Variants in NCALD observed in about 807,000 individuals in gnomAD.
The protein encoded by NCALD is neurocalcin delta, also known as neurocalcin-delta.
In NCALD, 10 loss-of-function variants were observed where a neutral mutation model predicts 18.6. The ratio of observed to expected loss-of-function variants is 0.54; its 90% CI spans 0.33 to 0.91. The LOEUF is 0.91. NCALD is among the 40% of genes least tolerant of loss of function. NCALD has a pLI of 0.03. For missense variants in NCALD, 184 were observed against 247.6 expected, an observed-to-expected ratio of 0.74 and a Z score of 1.72; for synonymous variants, 88 against 87.4, an observed-to-expected ratio of 1.01 and a Z score of -0.04.
intron 2 of NCALD, among the ~76,000 whole-genome samples, chr8:101,944,458 G>A (rs1819089929): frequency 6.6e-6 from 1 of 152,198 alleles, no homozygotes; most frequent in Non-Finnish European, 1.5e-5. Flanking sequence ...GTGCCTGCTC[G>A]ACTGGAGTAT....
intron 2 of NCALD, among the ~76,000 whole-genome samples, chr8:101,916,905 A>C (rs1232995265): frequency 6.6e-6 from 1 of 152,142 alleles, no homozygotes; most frequent in Non-Finnish European, 1.5e-5. Flanking sequence ...ACACAATAAT[A>C]GAAGGGAACT....
At chr8:101,866,235 T>C (rs1295358261) in intron 4 of NCALD, among the ~76,000 whole-genome samples, 1 of 152,216 alleles carries the variant, frequency 6.6e-6, no homozygotes, top group Non-Finnish European at 1.5e-5. Flanking sequence ...TTCTTCTTCC[T>C]ACCTTCCCAA....
intron 4 of NCALD, among the ~76,000 whole-genome samples, chr8:101,832,737 C>G (rs1814239867): frequency 6.6e-6 from 1 of 152,138 alleles, no homozygotes; most frequent in Non-Finnish European, 1.5e-5. Flanking sequence ...AGTGAAAATG[C>G]CAACATAAAT....
At chr8:101,834,689 C>T (rs944687074) in intron 4 of NCALD, among the ~76,000 whole-genome samples, 5 of 152,202 alleles carry the variant, frequency 3.3e-5, no homozygotes, top group African/African-American at 4.8e-5. Flanking sequence ...GGGTCTTTGA[C>T]GAGTGAGGCA....
chr8:101,714,990 C>T (rs1390050638), intron 2 of NCALD, among the ~76,000 whole-genome samples: 3 of 133,792 alleles, frequency 2.2e-5, no homozygotes, highest in Admixed American at 7.3e-5. Context: ...GGCGACAGAG[C>T]GAGACTCCGT....
chr8:101,834,544 G>A (rs1207315444), intron 4 of NCALD, among the ~76,000 whole-genome samples: 1 of 152,240 alleles, frequency 6.6e-6, no homozygotes, highest in Non-Finnish European at 1.5e-5. Flanking sequence ...TTTGGGGACT[G>A]AGCTGCTCGG....
At chr8:101,752,596 T>C (rs1810705402) in intron 1 of NCALD, among the ~76,000 whole-genome samples, 1 of 152,240 alleles carries the variant, frequency 6.6e-6, no homozygotes, top group Non-Finnish European at 1.5e-5. Context: ...GAAATTATCT[T>C]GTGCTCTTTC....
At chr8:101,911,362 T>TA (rs1817792811) in intron 3 of NCALD, among the ~76,000 whole-genome samples, 1 of 102,436 alleles carries the variant, frequency 9.8e-6, no homozygotes, top group South Asian at 2.4e-4. Context: ...TTTTCTTTTC[T>TA]TTTTTTTTTT....
At chr8:102,089,398 GAAA>G (rs575186551) in intron 1 of NCALD, among the ~76,000 whole-genome samples, 1 of 124,740 alleles carries the variant, frequency 8.0e-6, no homozygotes, top group Admixed American at 8.3e-5. Context: ...AGTCTCAAAG[GAAA>G]AAAAAAAAAG....
chr8:102,041,969 CATT>C (rs1248543690), intron 1 of NCALD, among the ~76,000 whole-genome samples: 8 of 152,018 alleles, frequency 5.3e-5, no homozygotes, highest in Non-Finnish European at 1.2e-4. Flanking sequence ...CCCATCAGAG[CATT>C]ACCTATTGGG....
At chr8:102,084,315 T>C (rs1824659972) in intron 1 of NCALD, among the ~76,000 whole-genome samples, 1 of 152,206 alleles carries the variant, frequency 6.6e-6, no homozygotes, top group African/African-American at 2.4e-5. Flanking sequence ...ACTTCTTGCC[T>C]CTTCAGAAGA....
At chr8:101,714,408 T>C (rs1348483287) in intron 2 of NCALD, among the ~76,000 whole-genome samples, 1 of 151,950 alleles carries the variant, frequency 6.6e-6, no homozygotes, top group African/African-American at 2.4e-5. Flanking sequence ...ACAAAGAGAA[T>C]AAAATACCTA....
intron 4 of NCALD, among the ~76,000 whole-genome samples, chr8:101,808,072 A>G (rs1813169870): frequency 6.6e-6 from 1 of 152,220 alleles, no homozygotes; most frequent in Admixed American, 6.5e-5. Flanking sequence ...GTCTCAAATT[A>G]CCAATATCTG....
intron 2 of NCALD, among the ~76,000 whole-genome samples, chr8:101,937,270 T>C (rs144362051): frequency 0.074 from 11,258 of 152,098 alleles, 1,006 homozygotes; most frequent in African/African-American, 0.21. Context: ...GTTTGTTGTA[T>C]AGATTATTTC....
intron 1 of NCALD, among the ~76,000 whole-genome samples, chr8:102,090,877 G>A (rs1185709364): frequency 2.0e-5 from 3 of 152,184 alleles, no homozygotes; most frequent in Non-Finnish European, 4.4e-5. Flanking sequence ...GCGTTGTCTG[G>A]AATGGCGTGC....
At chr8:102,113,022 C>T (rs1429521487) in intron 1 of NCALD, among the ~76,000 whole-genome samples, 1 of 152,110 alleles carries the variant, frequency 6.6e-6, no homozygotes, top group Non-Finnish European at 1.5e-5. Flanking sequence ...CTCACTTATT[C>T]CATTATAGCA....
chr8:101,963,191 T>C (rs975185727), intron 2 of NCALD, among the ~76,000 whole-genome samples: 4 of 152,224 alleles, frequency 2.6e-5, no homozygotes, highest in African/African-American at 9.6e-5. Context: ...TTTCAAGTCA[T>C]GGCCACTTTT....
intron 1 of NCALD, among the ~76,000 whole-genome samples, chr8:102,024,931 T>C (rs1257481965): frequency 6.6e-6 from 1 of 152,196 alleles, no homozygotes; most frequent in Non-Finnish European, 1.5e-5. Flanking sequence ...TGCTTTGTTT[T>C]CCAATTATCA....
At chr8:101,741,771 A>C (rs1586367576) in intron 1 of NCALD, among the ~76,000 whole-genome samples, 1 of 113,460 alleles carries the variant, frequency 8.8e-6, no homozygotes, top group Admixed American at 9.6e-5. Context: ...TACAAAAAAA[A>C]AAAAAAAAAA....
Sources: gnomAD v4.1 joint callset for allele counts (sites outside exome capture counted in the v4.1 genomes callset) on GRCh38, gnomAD v4.1.1 for gene constraint, MANE v1.5 for transcripts, NCBI Gene and HGNC (gene_info 2026-07-23, HGNC 2026-07-21) for gene names.